The following ADAMTS10 variants were observed in gnomAD, a reference collection of about 807,000 sequenced individuals.
The protein encoded by ADAMTS10 is ADAM metallopeptidase with thrombospondin type 1 motif 10.
A neutral mutation model predicts 135.9 loss-of-function variants in ADAMTS10; 48 were observed. That is an observed-to-expected ratio of 0.35 (90% CI 0.28 to 0.45). ADAMTS10 has a LOEUF of 0.45. ADAMTS10 is among the 20% of genes least tolerant of loss of function. The pLI, the probability that ADAMTS10 is intolerant of heterozygous loss-of-function variation, is 1.00. For missense variants in ADAMTS10, 1,131 were observed against 1,565.2 expected (o/e 0.72, Z 4.68); for synonymous variants, 621 against 647.5 (o/e 0.96, Z 0.62).
chr19:8,580,826 T>C lies in ADAMTS10; in HGVS notation c.*67A>G. ...GTTCCCGCCCCCCCGGGGCCCCCTC[T>C]GGCCGGCCCGCTGCAGGGCTGGCGG... On this transcript the variant is annotated 3_prime_UTR_variant, in exon 26 of 26. Transcript: ENST00000597188. The C allele has an allele frequency of 7.3e-7, 1 of 1,364,550 alleles. No homozygotes were observed. The highest frequency in any genetic ancestry group is 1.0e-6 in the Non-Finnish European group (1 of 987,162). The allele number at this position is 1,364,550 out of a possible 1,614,324, so 84.5% of individuals were successfully genotyped here. A position where few individuals can be genotyped will look rare whatever the true frequency, so the allele number is the denominator to read the frequency against.
chr19:8,602,395 C>G (rs576865209), intron 5 of ADAMTS10, among the ~76,000 whole-genome samples: 1 of 151,970 alleles, frequency 6.6e-6, no homozygotes, highest in Non-Finnish European at 1.5e-5. Context: ...CTCAACTCAC[C>G]GCAACCTCTA....
chr19:8,603,241 T>A (rs2042685225), intron 5 of ADAMTS10, among the ~76,000 whole-genome samples: 1 of 152,206 alleles, frequency 6.6e-6, no homozygotes, highest in South Asian at 2.1e-4. Context: ...GTTCGCCGTC[T>A]GAGGATATGT....
chr19:8,601,136 G>C lies in ADAMTS10; in HGVS notation c.602C>G (p.Pro201Arg), dbSNP rs572980571. The C allele has an allele frequency of 4.3e-6, 7 of 1,613,470 alleles. No homozygotes were observed. The highest frequency in any genetic ancestry group is 5.9e-6 in the Non-Finnish European group (7 of 1,180,022). ...DTACGVRDEK[P>R]WKGRPWWLRT... Reference sequence around the variant, plus strand: ...CAGCCACCATGGCCGCCCTTTCCACGGTTTCTCATCTGGGGAACCCAGTAG... The same window carrying C: ...CAGCCACCATGGCCGCCCTTTCCACCGTTTCTCATCTGGGGAACCCAGTAG... Residue 201 changes from proline (P) to arginine (R), a missense_variant, in exon 6 of 26, where the codon CCG (proline) becomes CGG (arginine). Pro to Arg is a moderately radical substitution (Grantham distance 103, BLOSUM62 -2). Transcript: ENST00000597188. The surrounding 1 kb of genome is among the most constrained non-coding windows in gnomAD (Gnocchi z 4.6).
At position 8,586,047 on chromosome 19, in the gene ADAMTS10, C is replaced by A. The variant is rs1227297945; in HGVS notation, c.2660+75G>T. ...CTGCACTAATCTGCTCCCCACCCCC[C>A]TGGAGCACTCGCTCTTGACTCCAGG... On this transcript the variant is annotated intron_variant, in intron 22 of 25. Transcript: ENST00000597188. 5 of 1,608,326 alleles carry A rather than the reference C, an allele frequency of 3.1e-6. No homozygotes were observed. In the African/African-American group the frequency reaches 5.3e-5, roughly 17 times the overall value.
intron 6 of ADAMTS10, among the ~76,000 whole-genome samples, chr19:8,600,088 T>C (rs2042646469): frequency 6.6e-6 from 1 of 152,104 alleles, no homozygotes; most frequent in Admixed American, 6.6e-5. Flanking sequence ...CTGCCCACCT[T>C]GGGCATGAGC....
intron 14 of ADAMTS10, 24 bp downstream of exon 14, chr19:8,591,934 C>G (rs113057037): frequency 1.9e-6 from 3 of 1,611,690 alleles, no homozygotes; most frequent in Non-Finnish European, 2.5e-6. Flanking sequence ...GCTGCCCTCC[C>G]GGGTGGGGGT....
chr19:8,596,552 G>A lies in ADAMTS10; in HGVS notation c.1074C>T (p.Cys358=), dbSNP rs376818071. Residue 358 remains cysteine (C), a synonymous_variant, in exon 9 of 26, where the codon TGC becomes TGT. Coordinates refer to ENST00000597188, the MANE Select transcript of ADAMTS10 (RefSeq NM_030957.4). The surrounding 1 kb of genome is among the most constrained non-coding windows in gnomAD (Gnocchi z 7.2). ...ACGGGGCTCGGGTACCTAGTGTGCCGCAGGGTTTGTTCTTGTAGATGCAGA... is the reference window on the plus strand; with the variant it reads ...ACGGGGCTCGGGTACCTAGTGTGCCACAGGGTTTGTTCTTGTAGATGCAGA... ...YDICIYKNKP[C]GTLGLAPVGG... 33 of 1,613,664 alleles carry A rather than the reference G, an allele frequency of 2.0e-5. No individual in the cohort carries two copies. The highest frequency in any genetic ancestry group is 2.5e-5 in the Non-Finnish European group (29 of 1,180,006).
chr19:8,586,778 G>T (rs1555737370), intron 19 of ADAMTS10, 38 bp downstream of exon 19: 1 of 1,613,926 alleles, frequency 6.2e-7, no homozygotes, highest in Non-Finnish European at 8.5e-7. Flanking sequence ...CCTCCCCACT[G>T]ACCCCTAATC....
At position 8,580,686 on chromosome 19, in the gene ADAMTS10, C is replaced by T. The variant is rs548941444; in HGVS notation, c.*207G>A. 5 of 564,700 alleles carry T rather than the reference C, an allele frequency of 8.9e-6. No individual in the cohort carries two copies. The highest frequency in any genetic ancestry group is 4.0e-5 in the South Asian group (2 of 50,490). 35.0% of individuals were successfully genotyped at this position (564,700 alleles called of 1,614,324 possible). A position where few individuals can be genotyped will look rare whatever the true frequency, so the allele number is the denominator to read the frequency against. On this transcript the variant is annotated 3_prime_UTR_variant, in exon 26 of 26. Transcript: ENST00000597188. ...GTCTCACTATGTGAACTGGAAGGGG[C>T]GGATGCTGAAGAGGGGCTCTGGGGG...
intron 13 of ADAMTS10, 51 bp downstream of exon 13, chr19:8,592,712 G>A: frequency 2.6e-6 from 4 of 1,549,910 alleles, no homozygotes; most frequent in Non-Finnish European, 3.5e-6. Context: ...GGCCAACGCG[G>A]GAGGTGGCTC....
chr19:8,597,830 T>A (rs2146084840), intron 6 of ADAMTS10, among the ~76,000 whole-genome samples: 1 of 150,650 alleles, frequency 6.6e-6, no homozygotes, highest in South Asian at 2.1e-4. Flanking sequence ...TGAGACAGAG[T>A]TTTGCTCTTT....
Position 8,585,324 on chromosome 19 carries a change from G to A in ADAMTS10, c.2866-16C>T, listed in dbSNP as rs1555736708. ...TGGGGGTGCACTGCAGTTGGAAGGG[G>A]CGTTTCGTGCTCAGGGTGCTGCCCC... On this transcript the variant is annotated splice_polypyrimidine_tract_variant and intron_variant, in intron 23 of 25. Coordinates refer to ENST00000597188, the MANE Select transcript of ADAMTS10 (RefSeq NM_030957.4). 6.5e-7 allele frequency: 1 copy of A among 1,533,068 alleles called. No homozygotes were observed. The allele number at this position is 1,533,068 out of a possible 1,614,324, so 95.0% of individuals were successfully genotyped here.
chr19:8,597,536 C>T lies in ADAMTS10; in HGVS notation c.811-219G>A, dbSNP rs567909191. ...TCTTGAACTCCTGACCTCAAGTGATCCTCCTGCCTGGCCTCCCATAGGGCT... is the reference window on the plus strand; with the variant it reads ...TCTTGAACTCCTGACCTCAAGTGATTCTCCTGCCTGGCCTCCCATAGGGCT... On this transcript the variant is annotated intron_variant, in intron 6 of 25. Transcript: ENST00000597188. 9.9e-5 allele frequency among the ~76,000 whole-genome samples: 15 copies of T among 152,216 alleles called. No individual in the cohort carries two copies. The South Asian group carries it at 2.5e-3, about 25-fold the overall frequency.
At position 8,600,462 on chromosome 19, in the gene ADAMTS10, C is replaced by A. The variant is rs2042650350; in HGVS notation, c.810+466G>T. 2.2e-5 allele frequency among the ~76,000 whole-genome samples: 3 copies of A among 139,416 alleles called. No individual in the cohort carries two copies. The South Asian group carries it at 8.2e-4, about 38-fold the overall frequency. The allele number at this position is 139,416 out of a possible 152,430, so 91.5% of individuals were successfully genotyped here. On this transcript the variant is annotated intron_variant, in intron 6 of 25. Coordinates refer to ENST00000597188, the MANE Select transcript of ADAMTS10 (RefSeq NM_030957.4). ...TTCCTTCCTTCCTCTCTCTTTCTTT[C>A]TTTTCTCTTTCTTTCTGTCTTTTCT...
chr19:8,594,099 G>A (rs1007079032), intron 12 of ADAMTS10, among the ~76,000 whole-genome samples: 1 of 152,178 alleles, frequency 6.6e-6, no homozygotes, highest in Admixed American at 6.5e-5. Context: ...CATCAGTCCT[G>A]TCGCAATCCC....
chr19:8,588,411 G>C (rs2042469083), intron 18 of ADAMTS10, among the ~76,000 whole-genome samples: 1 of 151,950 alleles, frequency 6.6e-6, no homozygotes, highest in Admixed American at 6.6e-5. Context: ...CGGCCAGGCT[G>C]CTTATTATAA....
At position 8,605,849 on chromosome 19, in the gene ADAMTS10, C is replaced by T. The variant is rs1328826478; in HGVS notation, c.-99-40G>A. 1.6e-5 allele frequency: 23 copies of T among 1,460,810 alleles called. No individual in the cohort carries two copies. The Admixed American group carries it at 3.5e-4, about 22-fold the overall frequency. 90.5% of individuals were successfully genotyped at this position (1,460,810 alleles called of 1,614,324 possible). On this transcript the variant is annotated intron_variant, in intron 2 of 25. Transcript: ENST00000597188. This position sits in a 1 kb window ranked among gnomAD's most constrained non-coding sequence, Gnocchi z 7.7. ...CCAGGTAAGGGGGCGCCTGGTCCCG[C>T]TGTCCAGCACAACCAATGCCAAGGC...
intron 25 of ADAMTS10, among the ~76,000 whole-genome samples, chr19:8,584,154 CAAAAAAAAA>C (rs34412373): frequency 2.2e-5 from 1 of 44,870 alleles, no homozygotes; most frequent in African/African-American, 9.1e-5. Context: ...GACTCCATCT[CAAAAAAAAA>C]AAAAAAAAAA....
intron 22 of ADAMTS10, 91 bp downstream of exon 22, chr19:8,586,031 T>G: frequency 6.3e-7 from 1 of 1,592,588 alleles, no homozygotes; most frequent in Non-Finnish European, 8.6e-7. Context: ...TCTGCACTAA[T>G]CTGCTCCCCA....
Sources: gnomAD v4.1 joint callset for allele counts (sites outside exome capture counted in the v4.1 genomes callset) on GRCh38, gnomAD v4.1.1 for gene constraint, Gnocchi (gnomAD v3.1) non-coding constraint, MANE v1.5 for transcripts, NCBI Gene and HGNC (gene_info 2026-07-23, HGNC 2026-07-21) for gene names.